CRACD: variants seen among roughly 807,000 people sequenced by gnomAD.
CRACD encodes the protein capping protein-inhibiting regulator of actin dynamics.
CRACD carries 56 observed loss-of-function variants against 106.8 expected under a neutral mutation model. The observed-to-expected ratio is 0.52, with a 90% confidence interval of 0.42 to 0.66. The LOEUF (loss-of-function observed/expected upper bound fraction) is 0.66. Among genes scored for constraint, CRACD ranks in the 30% least tolerant of loss-of-function variants. The probability of loss-of-function intolerance (pLI) is 0.00; values close to 1 mark genes in which losing one functional copy is unlikely to be tolerated. For synonymous variants in CRACD, 754 were observed against 670.8 expected, an observed-to-expected ratio of 1.12 and a Z score of -1.92; for missense variants, 1,730 against 1,623.2, an observed-to-expected ratio of 1.07 and a Z score of -1.13.
chr4:56,238,759 T>TA (rs1740161914), intron 2 of CRACD, among the ~76,000 whole-genome samples: 1 of 152,228 alleles, frequency 6.6e-6, no homozygotes, highest in South Asian at 2.1e-4. Context: ...AGATTTTTTT[T>TA]AAAAGATGGT....
At chr4:56,083,518 C>G (rs1242193517) in intron 1 of CRACD, among the ~76,000 whole-genome samples, 1 of 152,128 alleles carries the variant, frequency 6.6e-6, no homozygotes, top group Non-Finnish European at 1.5e-5. Context: ...CCACCCTACC[C>G]TACCCTACCC....
At chr4:56,054,467 C>T (rs996436941) in intron 1 of CRACD, among the ~76,000 whole-genome samples, 11 of 152,200 alleles carry the variant, frequency 7.2e-5, no homozygotes, top group African/African-American at 2.7e-4. Context: ...AAGCGTGAGC[C>T]GCCACTCAGT....
rs1180667686 is a variant in CRACD, at chr4:56,203,836, C to A, written c.-189+24406C>A. 2.0e-5 allele frequency among the ~76,000 whole-genome samples: 3 copies of A among 152,210 alleles called. No individual in the cohort carries two copies. The South Asian group carries it at 6.2e-4, about 32-fold the overall frequency. The stretch of plus-strand genomic sequence containing the variant: ...AGTAACCTATCACCAAGAACAGGCA[C>A]ATAGCTAGTACCTCCAATCCTCGTT... On this transcript the variant is annotated intron_variant, in intron 2 of 10. Coordinates refer to ENST00000682029, the MANE Select transcript of CRACD (RefSeq NM_001393381.1).
chr4:56,241,305 A>C (rs978737965), intron 2 of CRACD, among the ~76,000 whole-genome samples: 3 of 152,068 alleles, frequency 2.0e-5, no homozygotes, highest in Non-Finnish European at 4.4e-5. Context: ...TTTTTATCTG[A>C]CCATCAATCA....
intron 2 of CRACD, among the ~76,000 whole-genome samples, chr4:56,244,655 C>T (rs1993918): frequency 0.61 from 93,312 of 152,098 alleles, 29,277 homozygotes; most frequent in East Asian, 0.76. Flanking sequence ...TCCCACACAC[C>T]AGCTGTTCTA....
intron 1 of CRACD, among the ~76,000 whole-genome samples, chr4:56,178,379 G>T (rs906968559): frequency 6.6e-6 from 1 of 152,106 alleles, no homozygotes; most frequent in African/African-American, 2.4e-5. Context: ...GTCTCAAAAG[G>T]AAAAGTGGTA....
At chr4:56,121,989 G>A (rs991506676) in intron 1 of CRACD, among the ~76,000 whole-genome samples, 1 of 152,130 alleles carries the variant, frequency 6.6e-6, no homozygotes, top group Non-Finnish European at 1.5e-5. Flanking sequence ...AAAGCAGACT[G>A]GGTTTTAGTC....
At chr4:56,279,264 C>T (rs183906885) in intron 3 of CRACD, among the ~76,000 whole-genome samples, 11 of 152,226 alleles carry the variant, frequency 7.2e-5, no homozygotes, top group East Asian at 1.9e-4. Context: ...TCGCTCATGC[C>T]GGGAGCTGTA....
chr4:56,292,324 C>T (rs771091442), intron 3 of CRACD, among the ~76,000 whole-genome samples: 1 of 152,300 alleles, frequency 6.6e-6, no homozygotes, highest in South Asian at 2.1e-4. Flanking sequence ...TAGGAAATAA[C>T]CCAGGCTCTC....
In CRACD at chr4:56,298,225, A is replaced by G; in HGVS notation, c.-5A>G. The G allele has an allele frequency of 6.2e-7, 1 of 1,613,962 alleles. No individual in the cohort carries two copies. Among genetic ancestry groups the G allele is most frequent in the Non-Finnish European group, 8.5e-7 (1 of 1,179,934 alleles). ...GATTTACCTTCCAGGTCCTTCAACT[A>G]TTCTATGGGAACCCGGGCATTTTCC... On this transcript the variant is annotated 5_prime_UTR_variant, in exon 4 of 11. Transcript: ENST00000682029.
Position 56,316,098 on chromosome 4 carries a change from C to T in CRACD, c.2596C>T (p.Gln866Ter). The part of the protein sequence containing the change: ...LRFNCDQQAE[Q>*]KKKKRHSSTG... ...CTTCAACTGCGACCAACAGGCAGAA[C>T]AGAAGAAGAAGAAGAGGCACAGCAG... The change falls in exon 8 of 11, where the codon CAG becomes TAG. Residue 866 changes from glutamine to a stop codon, truncating the protein, a stop_gained. Transcript: ENST00000682029. LOFTEE classifies it high-confidence loss of function. The T allele has an allele frequency of 6.2e-7, 1 of 1,614,084 alleles. No individual in the cohort carries two copies. Among genetic ancestry groups the T allele is most frequent in the Non-Finnish European group, 8.5e-7 (1 of 1,180,006 alleles).
At chr4:56,107,961 G>A (rs531241792) in intron 1 of CRACD, among the ~76,000 whole-genome samples, 34 of 152,286 alleles carry the variant, frequency 2.2e-4, no homozygotes, top group Non-Finnish European at 3.4e-4. Flanking sequence ...TGTGTACGCA[G>A]ATCCCAGACT....
chr4:56,144,854 A>G (rs1453816081), intron 1 of CRACD, among the ~76,000 whole-genome samples: 1 of 151,994 alleles, frequency 6.6e-6, no homozygotes, highest in African/African-American at 2.4e-5. Context: ...GTGTTTTGCT[A>G]TGTTGGCCAG....
intron 1 of CRACD, among the ~76,000 whole-genome samples, chr4:56,137,182 G>A (rs757858553): frequency 6.6e-6 from 1 of 151,734 alleles, no homozygotes; most frequent in Admixed American, 6.6e-5. Flanking sequence ...CTGTAATCTC[G>A]ATGACTTGAG....
At chr4:56,212,001 G>A (rs1260265770) in intron 2 of CRACD, among the ~76,000 whole-genome samples, 2 of 152,126 alleles carry the variant, frequency 1.3e-5, no homozygotes, top group African/African-American at 2.4e-5. Context: ...CTGCTGGGCT[G>A]TATCCCCAGG....
At chr4:56,054,200 T>C (rs928198595) in intron 1 of CRACD, among the ~76,000 whole-genome samples, 1 of 152,150 alleles carries the variant, frequency 6.6e-6, no homozygotes, top group Non-Finnish European at 1.5e-5. Context: ...ATTTATGTAT[T>C]TCTAGGGTCT....
At chr4:56,237,943 G>T (rs1227432787) in intron 2 of CRACD, among the ~76,000 whole-genome samples, 1 of 151,866 alleles carries the variant, frequency 6.6e-6, no homozygotes. Context: ...TGTGTTATAT[G>T]TATTGTATAA....
In CRACD at chr4:56,222,810, A is replaced by C. The variant is rs368798647; in HGVS notation, c.-189+43380A>C. 1.7e-3 allele frequency among the ~76,000 whole-genome samples: 255 copies of C among 151,638 alleles called. 3 individuals are homozygous for C. Among genetic ancestry groups the C allele is most frequent in the African/African-American group, 6.0e-3 (249 of 41,356 alleles). ...AACAAAAACAAAAACAAAAACAAAA[A>C]AGCACCGCAAAAATTAGCTGGGCAT... On this transcript the variant is annotated intron_variant, in intron 2 of 10. Transcript: ENST00000682029.
intron 1 of CRACD, among the ~76,000 whole-genome samples, chr4:56,089,721 C>A (rs1733354373): frequency 6.6e-6 from 1 of 151,900 alleles, no homozygotes; most frequent in South Asian, 2.1e-4. Context: ...TCTGGTTGGT[C>A]AGGCTGGTCT....
Sources: gnomAD v4.1 joint callset for allele counts (sites outside exome capture counted in the v4.1 genomes callset) on GRCh38, gnomAD v4.1.1 for gene constraint, MANE v1.5 for transcripts, NCBI Gene and HGNC (gene_info 2026-07-23, HGNC 2026-07-21) for gene names.